The following RIMBP2 variants were observed in gnomAD, a reference collection of about 807,000 sequenced individuals.
RIMBP2 encodes RIMS binding protein 2.
In RIMBP2, 48 loss-of-function variants were observed where a neutral mutation model predicts 118.6. The observed-to-expected ratio is 0.40, with a 90% CI of 0.32 to 0.51. The LOEUF is 0.51. Ranked by LOEUF, RIMBP2 falls within the 20% of genes least tolerant of loss-of-function variation. The pLI, the probability that RIMBP2 is intolerant of heterozygous loss-of-function variation, is 0.41. For synonymous variants in RIMBP2, 762 were observed against 742.9 expected, an observed-to-expected ratio of 1.03 and a Z score of -0.42; for missense variants, 1,551 against 1,768.3, an observed-to-expected ratio of 0.88 and a Z score of 2.20.
At chr12:130,675,455 C>T (rs1037085729) in intron 1 of RIMBP2, among the ~76,000 whole-genome samples, 2 of 152,196 alleles carry the variant, frequency 1.3e-5, no homozygotes, top group Non-Finnish European at 2.9e-5. Flanking sequence ...TCTGTCCCTG[C>T]TGGGTTCCTG....
chr12:130,591,642 G>A (rs370919359), intron 2 of RIMBP2, among the ~76,000 whole-genome samples: 4 of 152,256 alleles, frequency 2.6e-5, no homozygotes, highest in East Asian at 1.9e-4. Flanking sequence ...TCCAGCCTCC[G>A]CCCTGACCCT....
At chr12:130,542,786 C>T (rs2054731465) in intron 2 of RIMBP2, among the ~76,000 whole-genome samples, 1 of 152,162 alleles carries the variant, frequency 6.6e-6, no homozygotes, top group Non-Finnish European at 1.5e-5. Flanking sequence ...AGTGGGACCC[C>T]AAGTTTTCCA....
At chr12:130,628,847 C>A (rs2061806012) in intron 1 of RIMBP2, among the ~76,000 whole-genome samples, 1 of 152,192 alleles carries the variant, frequency 6.6e-6, no homozygotes, top group Non-Finnish European at 1.5e-5. Context: ...AAGTCAATAA[C>A]TGGGCATGCA....
At chr12:130,613,534 C>T (rs1206218148) in intron 2 of RIMBP2, among the ~76,000 whole-genome samples, 1 of 152,080 alleles carries the variant, frequency 6.6e-6, no homozygotes, top group Non-Finnish European at 1.5e-5. Flanking sequence ...GATTCAGTCT[C>T]GGCCGGGCAC....
chr12:130,661,243 T>C (rs1249758495), intron 1 of RIMBP2, among the ~76,000 whole-genome samples: 3 of 152,190 alleles, frequency 2.0e-5, no homozygotes, highest in African/African-American at 7.2e-5. Flanking sequence ...TGGGTGCCCC[T>C]GCTGCTTAGG....
chr12:130,664,922 G>C (rs2063852741), intron 1 of RIMBP2, among the ~76,000 whole-genome samples: 1 of 151,754 alleles, frequency 6.6e-6, no homozygotes, highest in Admixed American at 6.5e-5. Flanking sequence ...AGGCCGGAGG[G>C]ACAACAGGAA....
chr12:130,675,417 CGCCAGCCT>C (rs2064410369), intron 1 of RIMBP2, among the ~76,000 whole-genome samples: 1 of 152,196 alleles, frequency 6.6e-6, no homozygotes, highest in Admixed American at 6.5e-5. Flanking sequence ...ATCCACCACC[CGCCAGCCT>C]GCTCTGCACA....
At chr12:130,586,424 C>A (rs2058884910) in intron 2 of RIMBP2, among the ~76,000 whole-genome samples, 1 of 152,102 alleles carries the variant, frequency 6.6e-6, no homozygotes, top group Non-Finnish European at 1.5e-5. Context: ...AGCACTCGAG[C>A]CTGGGCAATA....
intron 5 of RIMBP2, among the ~76,000 whole-genome samples, chr12:130,478,096 G>A (rs539036542): frequency 6.6e-6 from 1 of 152,208 alleles, no homozygotes; most frequent in Non-Finnish European, 1.5e-5. Context: ...GCTGAGGACT[G>A]GAGTGGGGTG....
In RIMBP2 at chr12:130,424,794, G is replaced by T; in HGVS notation, c.2477C>A (p.Pro826His). ...FWEQPEFPHQPHRKRLFSIPE... is the reference protein window; with the variant it reads ...FWEQPEFPHQHHRKRLFSIPE... ...GATACTGAAAAGTCTCTTCCTGTGG[G>T]GCTGGTGGGGAAACTCGGGCTGCTC... Residue 826 changes from proline to histidine, a missense_variant, in exon 16 of 23, where the codon CCC becomes CAC. Around this residue, in one of 5 missense-constraint regions of RIMBP2, gnomAD observed 1,038 missense variants for 1,125.1 expected, o/e 0.92. Transcript: ENST00000690449. The surrounding 1 kb of genome is among the most constrained non-coding windows in gnomAD (Gnocchi z 9.8). The T allele has an allele frequency of 1.6e-6, 2 of 1,232,958 alleles. No individual in the cohort carries two copies. Among genetic ancestry groups the T allele is most frequent in the African/African-American group, 3.1e-5 (2 of 64,546 alleles). The allele number at this position is 1,232,958 out of a possible 1,614,324, so 76.4% of individuals were successfully genotyped here. A position where few individuals can be genotyped will look rare whatever the true frequency, so the allele number is the denominator to read the frequency against.
intron 1 of RIMBP2, among the ~76,000 whole-genome samples, chr12:130,639,023 AG>A (rs1042689376): frequency 6.6e-6 from 1 of 152,228 alleles, no homozygotes; most frequent in Non-Finnish European, 1.5e-5. Flanking sequence ...CTGTGGGGTC[AG>A]GAAGAGGGGG....
chr12:130,471,466 A>G (rs1384337230), intron 5 of RIMBP2, among the ~76,000 whole-genome samples: 1 of 151,956 alleles, frequency 6.6e-6, no homozygotes, highest in Non-Finnish European at 1.5e-5. Context: ...AATGGCTTTG[A>G]TGTTTTGAAG....
intron 4 of RIMBP2, among the ~76,000 whole-genome samples, chr12:130,492,577 A>G (rs1302026020): frequency 1.3e-5 from 2 of 152,088 alleles, no homozygotes; most frequent in Admixed American, 6.5e-5. Context: ...CTGCTTTGGG[A>G]GGGTTATTTT....
intron 2 of RIMBP2, among the ~76,000 whole-genome samples, chr12:130,586,491 T>G (rs147024119): frequency 6.6e-6 from 1 of 152,084 alleles, no homozygotes; most frequent in Admixed American, 6.6e-5. Flanking sequence ...GGGGGATCAA[T>G]AGAACAGAAC....
intron 1 of RIMBP2, among the ~76,000 whole-genome samples, chr12:130,685,653 T>C (rs2065005349): frequency 6.6e-6 from 1 of 152,064 alleles, no homozygotes; most frequent in East Asian, 1.9e-4. Context: ...CTGGGCCTCG[T>C]GCTTCTGAGC....
At chr12:130,589,898 C>G (rs2059149457) in intron 2 of RIMBP2, among the ~76,000 whole-genome samples, 1 of 152,086 alleles carries the variant, frequency 6.6e-6, no homozygotes, top group South Asian at 2.1e-4. Flanking sequence ...CTCCCAAAGC[C>G]CCAGCCACAT....
chr12:130,473,166 C>T (rs2081147651), intron 5 of RIMBP2, among the ~76,000 whole-genome samples: 1 of 152,228 alleles, frequency 6.6e-6, no homozygotes, highest in Non-Finnish European at 1.5e-5. Context: ...TGCATTTTTG[C>T]AGGTGCAAAC....
intron 1 of RIMBP2, among the ~76,000 whole-genome samples, chr12:130,693,815 C>T (rs2065447578): frequency 1.3e-5 from 2 of 152,220 alleles, no homozygotes; most frequent in African/African-American, 4.8e-5. Flanking sequence ...TCAGCTGTCA[C>T]TTACTTTCTC....
At chr12:130,610,775 T>A (rs1295564089) in intron 2 of RIMBP2, among the ~76,000 whole-genome samples, 2 of 151,784 alleles carry the variant, frequency 1.3e-5, no homozygotes, top group Non-Finnish European at 2.9e-5. Flanking sequence ...TTAGCCAGGA[T>A]GGTCTCGATC....
Sources: gnomAD v4.1 joint callset for allele counts (sites outside exome capture counted in the v4.1 genomes callset) on GRCh38, gnomAD v4.1.1 for gene constraint, gnomAD v4.1.1 regional missense constraint, Gnocchi (gnomAD v3.1) non-coding constraint, MANE v1.5 for transcripts, NCBI Gene and HGNC (gene_info 2026-07-23, HGNC 2026-07-21) for gene names.